ODAD2: variants seen among roughly 807,000 people sequenced by gnomAD.
ODAD2 encodes outer dynein arm docking complex subunit 2.
Under a neutral mutation model 106.8 loss-of-function variants are expected in ODAD2, and 89 were observed. The observed-to-expected ratio is 0.83, with a 90% CI of 0.70 to 0.99. ODAD2 has a LOEUF of 0.99. Ranked by LOEUF, ODAD2 falls within the 50% of genes least tolerant of loss-of-function variation. The probability of loss-of-function intolerance (pLI) is 0.00; values close to 1 mark genes in which losing one functional copy is unlikely to be tolerated. For synonymous variants in ODAD2, 404 were observed against 436.2 expected, an observed-to-expected ratio of 0.93 and a Z score of 0.92; for missense variants, 1,168 against 1,238.5, an observed-to-expected ratio of 0.94 and a Z score of 0.85.
intron 8 of ODAD2, among the ~76,000 whole-genome samples, chr10:27,969,641 G>T (rs1182516262): frequency 2.7e-5 from 4 of 149,710 alleles, no homozygotes; most frequent in Admixed American, 6.6e-5. Flanking sequence ...ACATGACTCC[G>T]TTCTTCAAAC....
rs558537314 is a variant in ODAD2, at chr10:27,842,198, A to C, written c.3021+18427T>G. Among the ~76,000 whole-genome samples, 27 of 152,186 alleles carry C rather than the reference A, an allele frequency of 1.8e-4. No individual in the cohort carries two copies. The South Asian group carries it at 5.6e-3, about 32-fold the overall frequency. On this transcript the variant is annotated intron_variant, in intron 19 of 19. Coordinates refer to ENST00000305242, the MANE Select transcript of ODAD2 (RefSeq NM_018076.5). ...AGCACACTTGGTAATTATTTTGTCC[A>C]TTTACATGTTTTTGACCCGTCTCTT...
At chr10:27,837,343 C>T (rs146060758) in intron 19 of ODAD2, among the ~76,000 whole-genome samples, 270 of 152,296 alleles carry the variant, frequency 1.8e-3, no homozygotes, top group African/African-American at 6.3e-3. Flanking sequence ...GTTTTTACTT[C>T]TCTGTATGCA....
intron 16 of ODAD2, 55 bp from the exon 17 acceptor site, chr10:27,907,832 C>T (rs1843710798): frequency 8.8e-7 from 1 of 1,142,598 alleles, no homozygotes; most frequent in Non-Finnish European, 1.3e-6. Context: ...TGAAGACAAA[C>T]ATTTTAATGA....
chr10:27,864,992 T>A (rs1840339445), intron 17 of ODAD2, among the ~76,000 whole-genome samples: 1 of 152,152 alleles, frequency 6.6e-6, no homozygotes, highest in African/African-American at 2.4e-5. Flanking sequence ...CACCATGTGT[T>A]ACTCAACTGA....
intron 19 of ODAD2, among the ~76,000 whole-genome samples, chr10:27,851,172 C>A (rs1172615169): frequency 1.3e-5 from 2 of 152,128 alleles, no homozygotes; most frequent in Non-Finnish European, 2.9e-5. Context: ...GTCCACCACT[C>A]AGAGTGGAAG....
chr10:27,941,560 AC>A (rs1377523644), intron 12 of ODAD2, among the ~76,000 whole-genome samples: 2 of 149,588 alleles, frequency 1.3e-5, no homozygotes, highest in Non-Finnish European at 3.0e-5. Context: ...TGCTACTGAA[AC>A]CAACCAAACC....
At chr10:27,860,954 G>A (rs1840002391) in intron 18 of ODAD2, 108 bp from the exon 19 acceptor site, 1 of 920,876 alleles carries the variant, frequency 1.1e-6, no homozygotes, top group Non-Finnish European at 1.7e-6. Context: ...TGAGTCTAGA[G>A]AAAAGGGCTA....
chr10:27,997,296 A>T (rs1462250380), intron 1 of ODAD2, among the ~76,000 whole-genome samples: 1 of 152,326 alleles, frequency 6.6e-6, no homozygotes, highest in South Asian at 2.1e-4. Flanking sequence ...AATAAGTGCA[A>T]ATCAGTGTAA....
At chr10:27,880,355 T>C (rs1053737984) in intron 17 of ODAD2, among the ~76,000 whole-genome samples, 3 of 152,230 alleles carry the variant, frequency 2.0e-5, no homozygotes, top group Non-Finnish European at 4.4e-5. Context: ...ATAATTTATC[T>C]GAGCATTCTT....
In ODAD2 at chr10:27,812,637, A is replaced by G. The variant is rs375535760; in HGVS notation, c.3022-12T>C. 1.3e-6 allele frequency: 2 copies of G among 1,567,664 alleles called. No individual in the cohort carries two copies. The highest frequency in any genetic ancestry group is 8.6e-7 in the Non-Finnish European group (1 of 1,165,570). ...ATATCCAGTAGAAGCTGTCACACAT[A>G]AGGAGGAGAAGAAGGGACACAAGAA... is the stretch of plus-strand genomic sequence containing the variant. On this transcript the variant is annotated splice_polypyrimidine_tract_variant and intron_variant, in intron 19 of 19. Transcript: ENST00000305242.
In ODAD2 at chr10:27,897,883, C is replaced by T. The variant is rs371861001; in HGVS notation, c.2610+9780G>A. ...CAGTAGCCTAGGATCTAGTTTAGAC[C>T]TTGGGGCCAAGAGCAAAGAGAGAGG... On this transcript the variant is annotated intron_variant, in intron 17 of 19. Transcript: ENST00000305242. Among the ~76,000 whole-genome samples the T allele has an allele frequency of 1.1e-4, 16 of 151,960 alleles. No individual in the cohort carries two copies. In the East Asian group the frequency reaches 1.9e-3, roughly 18 times the overall value.
At chr10:27,987,267 T>C (rs1588666576) in intron 3 of ODAD2, 119 bp downstream of exon 3, 14 of 876,060 alleles carry the variant, frequency 1.6e-5, no homozygotes, top group Middle Eastern at 2.3e-4. Context: ...ACTTTTTACC[T>C]TGTAGATTGT....
chr10:27,815,288 T>C (rs761799709), intron 19 of ODAD2, among the ~76,000 whole-genome samples: 2 of 152,212 alleles, frequency 1.3e-5, no homozygotes, highest in Non-Finnish European at 2.9e-5. Context: ...TCCTTTCTAA[T>C]GATTCCATTA....
intron 19 of ODAD2, among the ~76,000 whole-genome samples, chr10:27,815,212 TCTTCTTC>T (rs1836036752): frequency 6.6e-6 from 1 of 152,316 alleles, no homozygotes; most frequent in East Asian, 1.9e-4. Context: ...CTTCATTCAT[TCTTCTTC>T]TTAGGACATT....
chr10:27,831,557 A>G (rs1837480395), intron 19 of ODAD2, among the ~76,000 whole-genome samples: 1 of 152,228 alleles, frequency 6.6e-6, no homozygotes, highest in African/African-American at 2.4e-5. Context: ...CATGGCATAG[A>G]AAGATTAAGC....
intron 17 of ODAD2, among the ~76,000 whole-genome samples, chr10:27,897,661 T>C (rs1202780431): frequency 6.6e-6 from 1 of 152,196 alleles, no homozygotes; most frequent in Non-Finnish European, 1.5e-5. Flanking sequence ...CACTTTCTTG[T>C]TGACGATTCT....
chr10:27,844,145 T>C (rs1838527992), intron 19 of ODAD2, among the ~76,000 whole-genome samples: 1 of 152,164 alleles, frequency 6.6e-6, no homozygotes, highest in Admixed American at 6.5e-5. Context: ...CAGTGAGCTA[T>C]GATCGTGCCA....
intron 16 of ODAD2, among the ~76,000 whole-genome samples, chr10:27,923,175 G>A (rs112380719): frequency 3.0e-3 from 455 of 152,246 alleles, no homozygotes; most frequent in African/African-American, 0.01. Flanking sequence ...ATCCATGAAT[G>A]TGAATGCGTT....
At chr10:27,926,833 T>A (rs948481211) in intron 16 of ODAD2, among the ~76,000 whole-genome samples, 8 of 152,174 alleles carry the variant, frequency 5.3e-5, no homozygotes, top group African/African-American at 1.9e-4. Flanking sequence ...TAAATGTTAA[T>A]GGTTTTTTGC....
Sources: allele counts gnomAD v4.1 joint callset (sites outside exome capture counted in the v4.1 genomes callset), GRCh38; gene constraint gnomAD v4.1.1; transcripts MANE v1.5; gene names NCBI Gene and HGNC (gene_info 2026-07-23, HGNC 2026-07-21).